ADAP1: variants seen among roughly 807,000 people sequenced by gnomAD.
ADAP1 encodes ArfGAP with dual PH domains 1.
In ADAP1, 31 loss-of-function variants were observed where a neutral mutation model predicts 54.9. The ratio of observed to expected loss-of-function variants is 0.56; its 90% CI spans 0.42 to 0.76. The LOEUF is 0.76. Among genes scored for constraint, ADAP1 ranks in the 30% least tolerant of loss-of-function variants. ADAP1 has a pLI of 0.00. For missense variants in ADAP1, 535 were observed against 512.4 expected (o/e 1.04, Z -0.42); for synonymous variants, 313 against 202.6 (o/e 1.55, Z -4.63).
chr7:918,055 G>T (rs565461895), intron 4 of ADAP1, among the ~76,000 whole-genome samples: 19 of 152,236 alleles, frequency 1.2e-4, no homozygotes, highest in African/African-American at 4.6e-4. Flanking sequence ...TCCATATAAA[G>T]TGCTGGGATT....
At chr7:906,689 G>GAC (rs1562915171) in intron 4 of ADAP1, among the ~76,000 whole-genome samples, 3 of 51,160 alleles carry the variant, frequency 5.9e-5, no homozygotes, top group African/African-American at 1.7e-4. Context: ...AGGGGACACG[G>GAC]GGGACATGGA....
chr7:913,709 C>G (rs952241714), intron 4 of ADAP1, among the ~76,000 whole-genome samples: 1 of 151,880 alleles, frequency 6.6e-6, no homozygotes, highest in South Asian at 2.1e-4. Context: ...CCGAGGCGGG[C>G]GGGTCACCTG....
In ADAP1 at chr7:920,169, G is replaced by C; in HGVS notation, c.306-119C>G. ...GCTCATAGGGACCCCCGGCAGACTC[G>C]AGCCGCCCCTCTGGGCACAAGATCC... On this transcript the variant is annotated intron_variant, in intron 3 of 10. Transcript: ENST00000265846. This position sits in a 1 kb window ranked among gnomAD's most constrained non-coding sequence, Gnocchi z 4.5. The C allele has an allele frequency of 1.2e-6, 1 of 808,354 alleles. No homozygotes were observed. Among genetic ancestry groups the C allele is most frequent in the Non-Finnish European group, 1.9e-6 (1 of 513,706 alleles). 50.1% of individuals were successfully genotyped at this position (808,354 alleles called of 1,614,324 possible).
intron 4 of ADAP1, 87 bp downstream of exon 4, chr7:919,880 TG>T (rs551785117): frequency 5.4e-6 from 2 of 368,424 alleles, no homozygotes; most frequent in South Asian, 3.2e-5. Flanking sequence ...GGGAAAGAGA[TG>T]GGGGAGGGAG....
In ADAP1 at chr7:926,997, A is replaced by G; in HGVS notation, c.214-353T>C. On this transcript the variant is annotated intron_variant, in intron 2 of 10. Transcript: ENST00000265846. The surrounding 1 kb of genome is among the most constrained non-coding windows in gnomAD (Gnocchi z 4.6). ...GGGAGAGAGCTGGCTGCATCCTGTG[A>G]CCCCCATCTCTGCCCCAGAGAGCGA... is the stretch of plus-strand genomic sequence containing the variant. The G allele has an allele frequency of 7.9e-7, 1 of 1,258,210 alleles. No individual in the cohort carries two copies. The highest frequency in any genetic ancestry group is 1.0e-6 in the Non-Finnish European group (1 of 975,622). The allele number at this position is 1,258,210 out of a possible 1,614,324, so 77.9% of individuals were successfully genotyped here. A position where few individuals can be genotyped will look rare whatever the true frequency, so the allele number is the denominator to read the frequency against.
intron 3 of ADAP1, among the ~76,000 whole-genome samples, chr7:925,743 C>T (rs1052022365): frequency 2.0e-5 from 3 of 152,388 alleles, no homozygotes; most frequent in South Asian, 2.1e-4. Flanking sequence ...CGCTTTCCTG[C>T]GGCACTGTTG....
In ADAP1 at chr7:945,072, G is replaced by T. The variant is rs765905313; in HGVS notation, c.82+9324C>A. On this transcript the variant is annotated intron_variant, in intron 1 of 10. Coordinates refer to ENST00000265846, the MANE Select transcript of ADAP1 (RefSeq NM_006869.4). This position sits in a 1 kb window ranked among gnomAD's most constrained non-coding sequence, Gnocchi z 4.2. ...TGTGTGTGTGCAGGTGTGTGTGTGT[G>T]CAAGGAGATGGGGAGCTAGAGTCCC... Among the ~76,000 whole-genome samples, 1 of 152,140 alleles carries T rather than the reference G, an allele frequency of 6.6e-6. No homozygotes were observed. Among genetic ancestry groups the T allele is most frequent in the Non-Finnish European group, 1.5e-5 (1 of 68,014 alleles).
intron 4 of ADAP1, among the ~76,000 whole-genome samples, chr7:911,465 G>GC (rs1845718952): frequency 6.6e-6 from 1 of 152,118 alleles, no homozygotes; most frequent in Non-Finnish European, 1.5e-5. Flanking sequence ...AAACCCTGAG[G>GC]CCCCCACACA....
intron 1 of ADAP1, among the ~76,000 whole-genome samples, chr7:942,467 G>C (rs1846973839): frequency 1.3e-5 from 1 of 78,470 alleles, no homozygotes; most frequent in Non-Finnish European, 2.9e-5. Flanking sequence ...GAGAGGAGGA[G>C]GAAGGGAGGA....
chr7:904,033 C>A, intron 6 of ADAP1, 93 bp downstream of exon 6: 1 of 1,548,622 alleles, frequency 6.5e-7, no homozygotes, highest in Non-Finnish European at 8.7e-7. Context: ...GCCTACCCTC[C>A]CGTACCGTCC....
chr7:908,053 T>TG (rs1343485228), intron 4 of ADAP1, among the ~76,000 whole-genome samples: 3 of 152,142 alleles, frequency 2.0e-5, no homozygotes, highest in Admixed American at 1.3e-4. Context: ...AGAGAGCACT[T>TG]GCTTGGGGAC....
intron 1 of ADAP1, among the ~76,000 whole-genome samples, chr7:952,548 G>A (rs1219264353): frequency 1.3e-5 from 2 of 152,160 alleles, no homozygotes; most frequent in African/African-American, 4.8e-5. Flanking sequence ...GGGGTCATGG[G>A]GGGCTAGGCA....
intron 5 of ADAP1, 81 bp from the exon 6 acceptor site, chr7:904,353 G>A: frequency 1.3e-6 from 2 of 1,495,612 alleles, no homozygotes; most frequent in African/African-American, 1.4e-5. Context: ...CCCTGTGGGT[G>A]CTGGCGGCGC....
At chr7:954,097 T>C (rs1292269519) in intron 1 of ADAP1, among the ~76,000 whole-genome samples, 1 of 151,670 alleles carries the variant, frequency 6.6e-6, no homozygotes, top group Non-Finnish European at 1.5e-5. Flanking sequence ...CGGCGGGCGG[T>C]CCGCGGTGAC....
intron 4 of ADAP1, among the ~76,000 whole-genome samples, chr7:908,145 C>T (rs571293402): frequency 6.2e-4 from 94 of 152,230 alleles, no homozygotes; most frequent in African/African-American, 2.1e-3. Context: ...CACAGGGACG[C>T]GAGGGGGCTG....
intron 3 of ADAP1, among the ~76,000 whole-genome samples, chr7:922,798 T>TCACGCCCCCGCC (rs1342045821): frequency 4.0e-5 from 6 of 151,488 alleles, no homozygotes; most frequent in Non-Finnish European, 8.8e-5. Context: ...CGGGTGGTGT[T>TCACGCCCCCGCC]CACGCCCCCG....
intron 6 of ADAP1, among the ~76,000 whole-genome samples, chr7:903,095 G>T (rs1244228523): frequency 6.6e-6 from 1 of 152,246 alleles, no homozygotes; most frequent in East Asian, 1.9e-4. Flanking sequence ...CGTGGGAGTC[G>T]CAGGCTCCTG....
rs1449489102 is a variant in ADAP1 at position 907,757 on chromosome 7, G to A, written c.389-2585C>T. ...CCTGGGCTCCGTCTGCCAGGCCTTG[G>A]GTCGCGTGCAGGTCCCGCCGTTGGC... On this transcript the variant is annotated intron_variant, in intron 4 of 10. Transcript: ENST00000265846. 5.3e-5 allele frequency among the ~76,000 whole-genome samples: 8 copies of A among 152,208 alleles called. No individual in the cohort carries two copies. In the East Asian group the frequency reaches 1.5e-3, roughly 29 times the overall value.
intron 3 of ADAP1, among the ~76,000 whole-genome samples, chr7:921,182 G>A (rs1221375884): frequency 6.6e-6 from 1 of 152,204 alleles, no homozygotes; most frequent in East Asian, 1.9e-4. Context: ...ATCTCCTCCA[G>A]GGTCCCTCCC....
Sources: gnomAD v4.1 joint callset for allele counts (sites outside exome capture counted in the v4.1 genomes callset) on GRCh38, gnomAD v4.1.1 for gene constraint, Gnocchi (gnomAD v3.1) non-coding constraint, MANE v1.5 for transcripts, NCBI Gene and HGNC (gene_info 2026-07-23, HGNC 2026-07-21) for gene names.